Variants in MAP1LC3A observed in about 807,000 individuals in gnomAD.
MAP1LC3A encodes the protein microtubule-associated protein 1 light chain 3 alpha.
Under a neutral mutation model 15.2 loss-of-function variants are expected in MAP1LC3A, and 10 were observed. That is an observed-to-expected ratio of 0.66 (90% CI 0.41 to 1.12). MAP1LC3A has a LOEUF of 1.12. Among genes scored for constraint, MAP1LC3A ranks in the 50% most tolerant of loss-of-function variants. The pLI is 0.00. For synonymous variants in MAP1LC3A, 63 were observed against 64.3 expected, an observed-to-expected ratio of 0.98 and a Z score of 0.10; for missense variants, 138 against 167.3, an observed-to-expected ratio of 0.82 and a Z score of 0.97.
At chr20:34,554,827 C>A (rs1174232589), upstream of MAP1LC3A, among the ~76,000 whole-genome samples, 2 of 151,942 alleles carry the variant, frequency 1.3e-5, no homozygotes, top group Non-Finnish European at 2.9e-5. Flanking sequence ...GCCACCATAC[C>A]CAGCTAATTT....
At chr20:34,558,598 C>T (rs1982250845), upstream of MAP1LC3A, 3 of 1,205,800 alleles carry the variant, frequency 2.5e-6, no homozygotes, top group South Asian at 3.8e-5. This position sits in a 1 kb window ranked among gnomAD's most constrained non-coding sequence, Gnocchi z 4.3. Context: ...GCGTCCCGGT[C>T]CGCGGACCCA....
Position 34,558,730 on chromosome 20 carries a change from T to C in MAP1LC3A, c.-139T>C. 7.7e-7 allele frequency: 1 copy of C among 1,297,138 alleles called. No homozygotes were observed. Among genetic ancestry groups the C allele is most frequent in the Non-Finnish European group, 9.7e-7 (1 of 1,026,468 alleles). The allele number at this position is 1,297,138 out of a possible 1,614,324, so 80.4% of individuals were successfully genotyped here. A position where few individuals can be genotyped will look rare whatever the true frequency, so the allele number is the denominator to read the frequency against. On this transcript the variant is annotated 5_prime_UTR_variant, in exon 1 of 4. Transcript: ENST00000360668. This position sits in a 1 kb window ranked among gnomAD's most constrained non-coding sequence, Gnocchi z 4.3. ...ACCTGACGTCACCGGGCGAGTTACC[T>C]CCCGCAGCCGCAGCCGCCGTGCTCA... is the stretch of plus-strand genomic sequence containing the variant.
Position 34,559,409 on chromosome 20 carries a change from G to A in MAP1LC3A, c.159G>A (p.Leu53=). 2 of 1,547,550 alleles carry A rather than the reference G, an allele frequency of 1.3e-6. No homozygotes were observed. The highest frequency in any genetic ancestry group is 5.1e-5 in the East Asian group (2 of 39,470). The change falls in exon 3 of 4, where the codon TTG becomes TTA. Residue 53 remains leucine (L), a synonymous_variant. Transcript: ENST00000360668. ...CCGTCCTGGACAAGACCAAGTTTTT[G>A]GTCCCGGACCATGTCAACATGAGCG... ...QLPVLDKTKF[L]VPDHVNMSEL...
At chr20:34,549,674 G>A (rs918442202) in intron 1 of MAP1LC3A, among the ~76,000 whole-genome samples, 2 of 152,174 alleles carry the variant, frequency 1.3e-5, no homozygotes, top group African/African-American at 2.4e-5. Flanking sequence ...TCAGGGGGCG[G>A]GTTATTCAGA....
chr20:34,553,461 C>G (rs763999905), intron 2 of MAP1LC3A, among the ~76,000 whole-genome samples: 3 of 152,088 alleles, frequency 2.0e-5, no homozygotes, highest in Non-Finnish European at 4.4e-5. Flanking sequence ...GGCCCTCCTC[C>G]TCCACGTTGG....
upstream of MAP1LC3A, among the ~76,000 whole-genome samples, chr20:34,556,506 G>C (rs1179338793): frequency 6.7e-6 from 1 of 150,250 alleles, no homozygotes; most frequent in South Asian, 2.1e-4. Context: ...TTTTTTGGTT[G>C]TTTGGTTTAT....
chr20:34,554,667 C>G (rs377220762), upstream of MAP1LC3A, among the ~76,000 whole-genome samples: 1 of 147,006 alleles, frequency 6.8e-6, no homozygotes, highest in Non-Finnish European at 1.5e-5. Context: ...ACACCGCGCC[C>G]GGCCTGTTTT....
At chr20:34,547,655 T>C (rs1981789735) in intron 1 of MAP1LC3A, among the ~76,000 whole-genome samples, 2 of 152,148 alleles carry the variant, frequency 1.3e-5, no homozygotes, top group African/African-American at 4.8e-5. Context: ...TTCTCTCTCC[T>C]GTCGCCTAGC....
chr20:34,559,179 C>T (rs1410287552), intron 1 of MAP1LC3A, 29 bp from the exon 2 acceptor site: 7 of 1,551,276 alleles, frequency 4.5e-6, no homozygotes, highest in African/African-American at 1.4e-5. Context: ...CGGCCCGACC[C>T]GGCCTCACGG....
intron 3 of MAP1LC3A, 21 bp from the exon 4 acceptor site, chr20:34,559,715 A>ATACTC (rs746766708): frequency 6.3e-7 from 1 of 1,592,736 alleles, no homozygotes; most frequent in Non-Finnish European, 8.5e-7. Flanking sequence ...TCACAGCTGC[A>ATACTC]TACTCTCCCG....
upstream of MAP1LC3A, chr20:34,558,359 C>T (rs118150757): frequency 4.1e-6 from 4 of 987,414 alleles, no homozygotes; most frequent in East Asian, 3.4e-4. This position sits in a 1 kb window ranked among gnomAD's most constrained non-coding sequence, Gnocchi z 4.3. Context: ...AGGCGCCGGG[C>T]CTTTGGCTCC....
At chr20:34,553,014 C>A (rs1033830044) in intron 2 of MAP1LC3A, among the ~76,000 whole-genome samples, 1 of 152,054 alleles carries the variant, frequency 6.6e-6, no homozygotes, top group Admixed American at 6.6e-5. Context: ...CATGGTGAAA[C>A]CCCGTCTCTA....
chr20:34,555,236 C>T (rs906078451), upstream of MAP1LC3A, among the ~76,000 whole-genome samples: 3 of 151,694 alleles, frequency 2.0e-5, no homozygotes, highest in African/African-American at 7.3e-5. Context: ...ACCTCTGCCT[C>T]CCGGATTCAA....
chr20:34,559,157 GC>G, intron 1 of MAP1LC3A, 50 bp from the exon 2 acceptor site: 7 of 1,492,930 alleles, frequency 4.7e-6, no homozygotes, highest in Non-Finnish European at 6.2e-6. Flanking sequence ...GACAGGCGGG[GC>G]GGACCTGGGC....
chr20:34,547,936 C>T (rs1468989638), intron 1 of MAP1LC3A, among the ~76,000 whole-genome samples: 1 of 152,018 alleles, frequency 6.6e-6, no homozygotes, highest in Non-Finnish European at 1.5e-5. Flanking sequence ...TTCAGATAGG[C>T]GGGGGTCAGT....
intron 1 of MAP1LC3A, among the ~76,000 whole-genome samples, chr20:34,548,164 A>G (rs1165287499): frequency 2.0e-5 from 3 of 152,192 alleles, no homozygotes; most frequent in Non-Finnish European, 4.4e-5. Context: ...CTAGAGGCAC[A>G]GGCTTGGGGA....
chr20:34,547,407 C>T (rs941447565), intron 1 of MAP1LC3A, among the ~76,000 whole-genome samples: 13 of 148,572 alleles, frequency 8.7e-5, no homozygotes, highest in Admixed American at 8.7e-4. Context: ...CTTCCCCAAC[C>T]GCTCCCCACC....
rs1309962955 is a variant in MAP1LC3A at position 34,559,953 on chromosome 20, C to A, written c.*55C>A. ...TCGGGCGGCCCCGGTCAGGCCCTGC[C>A]CAGAGAGCTCCTGGTTCCTGAACTG... On this transcript the variant is annotated 3_prime_UTR_variant, in exon 4 of 4. Transcript: ENST00000360668. 3.9e-6 allele frequency: 6 copies of A among 1,547,348 alleles called. No homozygotes were observed. Among genetic ancestry groups the A allele is most frequent in the Non-Finnish European group, 4.4e-6 (5 of 1,145,960 alleles).
At chr20:34,550,154 GT>G in intron 2 of MAP1LC3A, 2 of 858,080 alleles carry the variant, frequency 2.3e-6, no homozygotes, top group South Asian at 3.0e-5. Flanking sequence ...GCCAAGGCCA[GT>G]TCTCCACTTT....
Sources: allele counts gnomAD v4.1 joint callset (sites outside exome capture counted in the v4.1 genomes callset), GRCh38; gene constraint gnomAD v4.1.1; non-coding constraint Gnocchi (gnomAD v3.1); transcripts MANE v1.5; gene names NCBI Gene and HGNC (gene_info 2026-07-23, HGNC 2026-07-21).